Variants in LRP5 observed in about 807,000 individuals in gnomAD.
LRP5 encodes LDL receptor related protein 5.
A neutral mutation model predicts 154.1 loss-of-function variants in LRP5; 62 were observed. The ratio of observed to expected loss-of-function variants is 0.40; its 90% confidence interval spans 0.33 to 0.50. The LOEUF is 0.50. LRP5 is among the 20% of genes least tolerant of loss of function. LRP5 has a pLI of 0.55. For synonymous variants in LRP5, 966 were observed against 1,011.5 expected, an observed-to-expected ratio of 0.96 and a Z score of 0.85; for missense variants, 1,915 against 2,336.7, an observed-to-expected ratio of 0.82 and a Z score of 3.72.
Position 68,423,489 on chromosome 11 carries a change from C to T in LRP5, c.3028C>T (p.Pro1010Ser), listed in dbSNP as rs201793593. Residue 1010 changes from proline (P) to serine (S), a missense_variant and splice_region_variant, in exon 14 of 23, where the codon CCC becomes TCC. Physicochemically the swap from Pro to Ser is moderately conservative, Grantham distance 74. Transcript: ENST00000294304. This position sits in a 1 kb window ranked among gnomAD's most constrained non-coding sequence, Gnocchi z 4.7. Reference sequence around the variant, plus strand: ...GAGTCTTGGTTTCTTTGTCTTACAGCCCTTTGTTTTGACCTCTCTGAGCCA... The same window carrying T: ...GAGTCTTGGTTTCTTTGTCTTACAGTCCTTTGTTTTGACCTCTCTGAGCCA... Reference protein sequence around the residue: ...IKRAKDDGTQPFVLTSLSQGQ... With the variant: ...IKRAKDDGTQSFVLTSLSQGQ... 1.9e-5 allele frequency: 30 copies of T among 1,613,948 alleles called. No individual in the cohort carries two copies. The Middle Eastern group carries it at 5.0e-4, about 27-fold the overall frequency.
chr11:68,412,518 G>T (rs963922367), intron 11 of LRP5, among the ~76,000 whole-genome samples: 3 of 152,046 alleles, frequency 2.0e-5, no homozygotes, highest in African/African-American at 7.2e-5. Context: ...GGTGGTTCAT[G>T]CCTGTAGTCC....
intron 7 of LRP5, among the ~76,000 whole-genome samples, chr11:68,393,596 C>A (rs930172845): frequency 6.6e-6 from 1 of 152,130 alleles, no homozygotes; most frequent in African/African-American, 2.4e-5. Flanking sequence ...GCCTGGCCAA[C>A]ATGGTGTAAC....
chr11:68,418,656 C>T (rs991541957), intron 13 of LRP5, among the ~76,000 whole-genome samples: 5 of 152,144 alleles, frequency 3.3e-5, no homozygotes, highest in East Asian at 1.9e-4. Flanking sequence ...TTTCTAGTTA[C>T]GTTGTACTGT....
chr11:68,330,593 T>C (rs762902136), intron 1 of LRP5, among the ~76,000 whole-genome samples: 2 of 152,270 alleles, frequency 1.3e-5, no homozygotes, highest in Non-Finnish European at 1.5e-5. Flanking sequence ...ATTCTCATTC[T>C]GCACGGCACT....
intron 1 of LRP5, among the ~76,000 whole-genome samples, chr11:68,313,986 C>G (rs1294176561): frequency 6.6e-6 from 1 of 152,148 alleles, no homozygotes; most frequent in Non-Finnish European, 1.5e-5. Flanking sequence ...GCCTCTGACC[C>G]AAGCCTAGAG....
rs542031065 is a variant in LRP5, at chr11:68,361,161, C to T, written c.687-2586C>T. ...TCTACTAAAAATACAAAAAATTAGC[C>T]GGGCATCGTGGTGGGCACCTGTAGT... is the stretch of plus-strand genomic sequence containing the variant. On this transcript the variant is annotated intron_variant, in intron 3 of 22. Transcript: ENST00000294304. Among the ~76,000 whole-genome samples, 57 of 148,134 alleles carry T rather than the reference C, an allele frequency of 3.8e-4. No individual in the cohort carries two copies. The South Asian group carries it at 0.01, about 27-fold the overall frequency.
rs1185645450 is a variant in LRP5 at position 68,413,881 on chromosome 11, G to T, written c.2696G>T (p.Arg899Leu). The change falls in exon 12 of 23, where the codon CGC becomes CTC. Residue 899 changes from arginine to leucine, a missense_variant. Physicochemically the swap from Arg to Leu is moderately radical, Grantham distance 102. Around this residue, in one of 3 missense-constraint regions of LRP5, gnomAD observed 1,094 missense variants for 1,210.1 expected, o/e 0.90. Coordinates refer to ENST00000294304, the MANE Select transcript of LRP5 (RefSeq NM_002335.4). The surrounding 1 kb of genome is among the most constrained non-coding windows in gnomAD (Gnocchi z 5.1). ...VMDILVFHSS[R>L]QDGLNDCMHN... ...GACATCCTGGTGTTCCACTCCTCCC[G>T]CCAGGATGGCCTCAATGACTGTATG... 5.0e-6 allele frequency: 8 copies of T among 1,613,064 alleles called. No homozygotes were observed. The highest frequency in any genetic ancestry group is 6.8e-6 in the Non-Finnish European group (8 of 1,180,012).
At chr11:68,370,451 G>A (rs987734923) in intron 5 of LRP5, among the ~76,000 whole-genome samples, 9 of 152,164 alleles carry the variant, frequency 5.9e-5, no homozygotes, top group African/African-American at 2.2e-4. Flanking sequence ...CCTGCAGGCT[G>A]GCAGGGGGCC....
rs1565111418 is a variant in LRP5, at chr11:68,433,658, A to T, written c.3820A>T (p.Ile1274Phe). ...ATGTGCCACAGGGGAGATCGACTGT[A>T]TCCCCGGGGCCTGGCGCTGTGACGG... The part of the protein sequence containing the change: ...FACATGEIDC[I>F]PGAWRCDGFP... Residue 1274 changes from isoleucine to phenylalanine, a missense_variant, in exon 18 of 23, where the codon ATC becomes TTC. Ile to Phe is a conservative substitution (Grantham distance 21). Transcript: ENST00000294304. The T allele has an allele frequency of 6.2e-7, 1 of 1,613,410 alleles. No homozygotes were observed. Among genetic ancestry groups the T allele is most frequent in the Non-Finnish European group, 8.5e-7 (1 of 1,179,960 alleles).
In LRP5 at chr11:68,360,516, A is replaced by G. The variant is rs367584185; in HGVS notation, c.686+2669A>G. On this transcript the variant is annotated intron_variant, in intron 3 of 22. Coordinates refer to ENST00000294304, the MANE Select transcript of LRP5 (RefSeq NM_002335.4). Reference sequence around the variant, plus strand: ...CGCTCTTCATGATGCACCTGGGGCTATTCACATGGAAGCGTCGTGTGTTGG... The same window carrying G: ...CGCTCTTCATGATGCACCTGGGGCTGTTCACATGGAAGCGTCGTGTGTTGG... Among the ~76,000 whole-genome samples, 3 of 152,358 alleles carry G rather than the reference A, an allele frequency of 2.0e-5. No individual in the cohort carries two copies. In the East Asian group the frequency reaches 5.8e-4, roughly 29 times the overall value.
chr11:68,340,535 G>A (rs986486910), intron 1 of LRP5, among the ~76,000 whole-genome samples: 4 of 152,184 alleles, frequency 2.6e-5, no homozygotes, highest in Non-Finnish European at 2.9e-5. Flanking sequence ...TCTGTGATGT[G>A]GAGGTGCAGT....
Position 68,312,596 on chromosome 11 carries a change from C to A in LRP5, c.-119C>A. The A allele has an allele frequency of 3.6e-6, 1 of 276,594 alleles. No individual in the cohort carries two copies. Among genetic ancestry groups the A allele is most frequent in the Non-Finnish European group, 5.5e-6 (1 of 183,234 alleles). 17.1% of individuals were successfully genotyped at this position (276,594 alleles called of 1,614,324 possible). A position where few individuals can be genotyped will look rare whatever the true frequency, so the allele number is the denominator to read the frequency against. On this transcript the variant is annotated 5_prime_UTR_variant, in exon 1 of 23. Coordinates refer to ENST00000294304, the MANE Select transcript of LRP5 (RefSeq NM_002335.4). ...CGCCCAGCTCCCTCCTCCCCGTCGTCCTGGTCCGCGGCGCCCGAGGGGGGA... is the reference window on the plus strand; with the variant it reads ...CGCCCAGCTCCCTCCTCCCCGTCGTACTGGTCCGCGGCGCCCGAGGGGGGA...
chr11:68,350,590 G>A (rs1053055714), intron 2 of LRP5, among the ~76,000 whole-genome samples: 4 of 152,224 alleles, frequency 2.6e-5, no homozygotes, highest in Admixed American at 6.5e-5. Context: ...TGCAGGAGCC[G>A]GGCGGGAGGG....
chr11:68,304,475 G>C, the LRP5 span, among the ~76,000 whole-genome samples: 1 of 152,248 alleles, frequency 6.6e-6, no homozygotes, highest in Non-Finnish European at 1.5e-5. Context: ...GGAAATGTGG[G>C]GTTGGAGGCC....
chr11:68,411,330 G>T (rs1591295411), intron 10 of LRP5, 106 bp from the exon 11 acceptor site: 1 of 1,258,466 alleles, frequency 7.9e-7, no homozygotes, highest in Admixed American at 1.9e-5. Context: ...TCCAGGACGG[G>T]GAGGGCTGAG....
chr11:68,388,392 C>T (rs993029543), intron 6 of LRP5, among the ~76,000 whole-genome samples: 3 of 152,088 alleles, frequency 2.0e-5, no homozygotes, highest in Non-Finnish European at 4.4e-5. Context: ...TTTCATGAGT[C>T]TGAGGATCCC....
intron 1 of LRP5, among the ~76,000 whole-genome samples, chr11:68,346,480 T>A (rs1372234827): frequency 1.3e-5 from 2 of 152,234 alleles, no homozygotes; most frequent in Non-Finnish European, 1.5e-5. Flanking sequence ...CCCTTTGTGT[T>A]CCCAGCTACC....
At chr11:68,325,426 A>G (rs148647230) in intron 1 of LRP5, among the ~76,000 whole-genome samples, 255 of 152,186 alleles carry the variant, frequency 1.7e-3, no homozygotes, top group Non-Finnish European at 2.9e-3. Context: ...GCCCTGTTCT[A>G]TTCTTGGCTG....
chr11:68,299,851 G>A, the LRP5 span, among the ~76,000 whole-genome samples: 2 of 149,246 alleles, frequency 1.3e-5, no homozygotes, highest in African/African-American at 4.9e-5. Flanking sequence ...CCAAAGTGCT[G>A]GGATTGCAGG....
Sources: allele counts gnomAD v4.1 joint callset (sites outside exome capture counted in the v4.1 genomes callset), GRCh38; gene constraint gnomAD v4.1.1; regional missense constraint gnomAD v4.1.1; non-coding constraint Gnocchi (gnomAD v3.1); transcripts MANE v1.5; gene names NCBI Gene and HGNC (gene_info 2026-07-23, HGNC 2026-07-21).